P3H2: variants seen among roughly 807,000 people sequenced by gnomAD.
The protein encoded by P3H2 is leprecan-like 1.
In P3H2, 80 loss-of-function variants were observed where a neutral mutation model predicts 87.0. That is an observed-to-expected ratio of 0.92 (90% CI 0.77 to 1.11). P3H2 has a LOEUF of 1.11. Among genes scored for constraint, P3H2 ranks in the 50% least tolerant of loss-of-function variants. The pLI is 0.00. For missense variants in P3H2, 1,001 were observed against 923.9 expected, an observed-to-expected ratio of 1.08 and a Z score of -1.08; for synonymous variants, 367 against 359.3, an observed-to-expected ratio of 1.02 and a Z score of -0.24.
At chr3:189,963,508 G>A (rs953800593) in intron 14 of P3H2, 12 of 188,918 alleles carry the variant, frequency 6.4e-5, no homozygotes, top group Non-Finnish European at 1.2e-4. Flanking sequence ...GCAGTGGTGC[G>A]ATCTCGGCTT....
intron 14 of P3H2, among the ~76,000 whole-genome samples, chr3:189,958,949 A>C (rs1722723754): frequency 6.6e-6 from 1 of 151,848 alleles, no homozygotes; most frequent in Admixed American, 6.6e-5. Flanking sequence ...TCGCCCTCCC[A>C]AAGTGCTGGG....
intron 1 of P3H2, among the ~76,000 whole-genome samples, chr3:190,016,846 C>T (rs1344386004): frequency 6.6e-6 from 1 of 152,154 alleles, no homozygotes; most frequent in Non-Finnish European, 1.5e-5. Flanking sequence ...TCCAAAACAG[C>T]CCATTCTAGC....
At chr3:189,963,881 G>A in intron 14 of P3H2, 77 bp downstream of exon 14, 1 of 1,470,512 alleles carries the variant, frequency 6.8e-7, no homozygotes, top group Non-Finnish European at 9.5e-7. Flanking sequence ...CTCAGACGAA[G>A]CAATTTAAAG....
At chr3:190,056,095 GCTCT>G (rs1273850676) in intron 1 of P3H2, among the ~76,000 whole-genome samples, 2 of 151,920 alleles carry the variant, frequency 1.3e-5, no homozygotes, top group African/African-American at 4.8e-5. Flanking sequence ...ACACCAGAAA[GCTCT>G]CTCTCTCTGC....
At chr3:190,007,119 G>A (rs1272043140) in intron 1 of P3H2, among the ~76,000 whole-genome samples, 2 of 152,172 alleles carry the variant, frequency 1.3e-5, no homozygotes, top group Admixed American at 1.3e-4. Context: ...GGAGGAGAGT[G>A]TAAGACTGGA....
rs541661786 is a variant in P3H2 at position 189,971,020 on chromosome 3, T to C, written c.1818-129A>G. The C allele has an allele frequency of 7.9e-6, 5 of 635,318 alleles. No homozygotes were observed. In the East Asian group the frequency reaches 1.4e-4, roughly 17 times the overall value. The allele number at this position is 635,318 out of a possible 1,614,324, so 39.4% of individuals were successfully genotyped here. A position where few individuals can be genotyped will look rare whatever the true frequency, so the allele number is the denominator to read the frequency against. On this transcript the variant is annotated intron_variant, in intron 12 of 14. Transcript: ENST00000319332. Reference sequence around the variant, plus strand: ...GTTTCCTTTGAACTAGACATTGATATAATTGGTCCTCCAAACTCTTAAAGA... The same window carrying C: ...GTTTCCTTTGAACTAGACATTGATACAATTGGTCCTCCAAACTCTTAAAGA...
At chr3:190,102,229 G>A (rs1362140013) in intron 1 of P3H2, among the ~76,000 whole-genome samples, 2 of 152,140 alleles carry the variant, frequency 1.3e-5, no homozygotes, top group Non-Finnish European at 2.9e-5. Flanking sequence ...GAGTAACTTT[G>A]ATTTTCAAGT....
chr3:190,092,211 C>T (rs527838290), intron 1 of P3H2, among the ~76,000 whole-genome samples: 4 of 142,560 alleles, frequency 2.8e-5, no homozygotes, highest in Admixed American at 1.4e-4. Context: ...CCAGCCTGGG[C>T]GATGGAACGA....
intron 1 of P3H2, among the ~76,000 whole-genome samples, chr3:190,099,044 A>G (rs1454656422): frequency 1.3e-5 from 2 of 152,144 alleles, no homozygotes; most frequent in Non-Finnish European, 2.9e-5. Flanking sequence ...TTTTAAGAAA[A>G]AGGGTTCTTT....
intron 1 of P3H2, among the ~76,000 whole-genome samples, chr3:190,079,584 G>T (rs1726980892): frequency 6.6e-6 from 1 of 152,048 alleles, no homozygotes; most frequent in South Asian, 2.1e-4. Flanking sequence ...TGATATTTAT[G>T]AATTGAAAGT....
At chr3:190,105,059 G>A (rs531411607) in intron 1 of P3H2, among the ~76,000 whole-genome samples, 1 of 152,268 alleles carries the variant, frequency 6.6e-6, no homozygotes, top group East Asian at 1.9e-4. Flanking sequence ...GTGAGTACAA[G>A]AGAAATTTTC....
chr3:190,043,652 C>T (rs917275167), intron 1 of P3H2, among the ~76,000 whole-genome samples: 1 of 152,186 alleles, frequency 6.6e-6, no homozygotes, highest in African/African-American at 2.4e-5. Flanking sequence ...ATGATCACTA[C>T]ACTCAAACTA....
chr3:190,035,347 A>C (rs564400478), intron 1 of P3H2, among the ~76,000 whole-genome samples: 1 of 152,274 alleles, frequency 6.6e-6, no homozygotes, highest in South Asian at 2.1e-4. Flanking sequence ...TAGGTATTAG[A>C]GGATACCTGA....
At chr3:189,993,322 C>CAA (rs11337333) in intron 3 of P3H2, among the ~76,000 whole-genome samples, 32 of 124,826 alleles carry the variant, frequency 2.6e-4, no homozygotes, top group Admixed American at 4.1e-4. Flanking sequence ...AACTCTGTCT[C>CAA]AAAAAAAAAA....
At chr3:190,098,032 G>A (rs1727641239) in intron 1 of P3H2, among the ~76,000 whole-genome samples, 1 of 152,042 alleles carries the variant, frequency 6.6e-6, no homozygotes, top group South Asian at 2.1e-4. Context: ...AATTACTGTG[G>A]TGAAAAATAA....
chr3:190,101,368 CAAAAAAAAAAAAAA>C (rs34737545), intron 1 of P3H2, among the ~76,000 whole-genome samples: 1 of 23,938 alleles, frequency 4.2e-5, no homozygotes, highest in East Asian at 1.6e-3. Flanking sequence ...ATCATGAACG[CAAAAAAAAAAAAAA>C]AAAAAAAAAA....
chr3:189,990,194 A>G (rs1164642279), intron 3 of P3H2, among the ~76,000 whole-genome samples: 1 of 152,152 alleles, frequency 6.6e-6, no homozygotes, highest in Non-Finnish European at 1.5e-5. Context: ...GTTTTGTATA[A>G]CTTGGCTAAC....
intron 1 of P3H2, among the ~76,000 whole-genome samples, chr3:190,051,518 G>A (rs1725983202): frequency 6.6e-6 from 1 of 152,132 alleles, no homozygotes; most frequent in African/African-American, 2.4e-5. Flanking sequence ...TTAAAGAAGA[G>A]CCAATTTTTA....
intron 1 of P3H2, among the ~76,000 whole-genome samples, chr3:190,019,385 T>G (rs1336472679): frequency 6.6e-6 from 1 of 152,238 alleles, no homozygotes; most frequent in South Asian, 2.1e-4. Flanking sequence ...AGTTTAAATG[T>G]AGTTTTCAGA....
Sources: gnomAD v4.1 joint callset for allele counts (sites outside exome capture counted in the v4.1 genomes callset) on GRCh38, gnomAD v4.1.1 for gene constraint, MANE v1.5 for transcripts, NCBI Gene and HGNC (gene_info 2026-07-23, HGNC 2026-07-21) for gene names.